ANKRD11: variants seen among roughly 807,000 people sequenced by gnomAD.
ANKRD11 encodes the protein ankyrin repeat domain 11.
In ANKRD11, 17 loss-of-function variants were observed where a neutral mutation model predicts 195.7. The observed-to-expected ratio is 0.09, with a 90% CI of 0.06 to 0.13. The LOEUF (loss-of-function observed/expected upper bound fraction) is 0.13. Ranked by LOEUF, ANKRD11 falls within the 10% of genes least tolerant of loss-of-function variation. ANKRD11 has a pLI of 1.00. For missense variants in ANKRD11, 3,735 were observed against 3,566.1 expected (o/e 1.05, Z -1.21); for synonymous variants, 1,953 against 1,528.1 (o/e 1.28, Z -6.49).
chr16:89,328,244 G>T (rs376176096), intron 2 of ANKRD11, among the ~76,000 whole-genome samples: 4 of 152,346 alleles, frequency 2.6e-5, no homozygotes, highest in African/African-American at 9.6e-5. Context: ...CTCGCTTGCT[G>T]TGGGAACGCA....
In ANKRD11 at chr16:89,304,631, CAT is replaced by C. The variant is rs549592235; in HGVS notation, c.226+573_226+574del. The stretch of plus-strand genomic sequence containing the variant: ...ACACGGGCATACATACAGGCACACA[CAT>C]GAGGGCATGCACACAGATACACGGG... On this transcript the variant is annotated intron_variant, in intron 4 of 12. Transcript: ENST00000301030. Among the ~76,000 whole-genome samples, 229 of 152,008 alleles carry C rather than the reference CAT, an allele frequency of 1.5e-3. 1 individual carries two copies. The highest frequency in any genetic ancestry group is 4.4e-3 in the African/African-American group (181 of 41,450).
chr16:89,282,970 G>A lies in ANKRD11; in HGVS notation c.3572C>T (p.Ala1191Val), dbSNP rs1452559113. Residue 1191 changes from alanine to valine, a missense_variant, in exon 9 of 13, where the codon GCC becomes GTC. By Grantham distance (64) the Ala-to-Val change is moderately conservative. Coordinates refer to ENST00000301030, the MANE Select transcript of ANKRD11 (RefSeq NM_013275.6). Reference protein sequence around the residue: ...PRDRRKDRGAADAGRDKKEKV... With the variant: ...PRDRRKDRGAVDAGRDKKEKV... ...CTCTTTTTTGTCTCTCCCCGCGTCG[G>A]CAGCCCCTCGGTCCTTTCTCCTGTC... 1 of 1,612,902 alleles carries A rather than the reference G, an allele frequency of 6.2e-7. No homozygotes were observed. Among genetic ancestry groups the A allele is most frequent in the African/African-American group, 1.3e-5 (1 of 74,752 alleles).
chr16:89,355,921 G>C (rs781764104), intron 2 of ANKRD11, among the ~76,000 whole-genome samples: 2 of 152,148 alleles, frequency 1.3e-5, no homozygotes, highest in African/African-American at 2.4e-5. Context: ...CGGGAGACCA[G>C]GGCTCAGGAA....
chr16:89,356,968 T>C (rs927468160), intron 2 of ANKRD11, among the ~76,000 whole-genome samples: 2 of 152,148 alleles, frequency 1.3e-5, no homozygotes, highest in Non-Finnish European at 2.9e-5. Flanking sequence ...CCTGTGACCA[T>C]CTTGGAGGGG....
At chr16:89,416,920 TG>T (rs2042335276) in intron 2 of ANKRD11, among the ~76,000 whole-genome samples, 1 of 152,124 alleles carries the variant, frequency 6.6e-6, no homozygotes, top group Non-Finnish European at 1.5e-5. Context: ...CCCATGTACC[TG>T]GCCCCTCCAT....
At chr16:89,335,718 C>T (rs1000993806) in intron 2 of ANKRD11, among the ~76,000 whole-genome samples, 1 of 152,224 alleles carries the variant, frequency 6.6e-6, no homozygotes, top group African/African-American at 2.4e-5. Flanking sequence ...GGCCTGCAAA[C>T]AGCAAGGACC....
chr16:89,278,945 G>A (rs1281444120), intron 9 of ANKRD11, 127 bp downstream of exon 9: 3 of 1,431,518 alleles, frequency 2.1e-6, no homozygotes, highest in East Asian at 2.5e-5. Flanking sequence ...GTCTCCTCAG[G>A]TGGCAGAAGG....
At chr16:89,388,733 G>A (rs1036824547) in intron 2 of ANKRD11, among the ~76,000 whole-genome samples, 4 of 152,264 alleles carry the variant, frequency 2.6e-5, no homozygotes, top group Admixed American at 2.6e-4. Context: ...GGCAGGTCCC[G>A]GGCTCACACA....
intron 1 of ANKRD11, among the ~76,000 whole-genome samples, chr16:89,472,559 C>T (rs922329033): frequency 3.3e-5 from 5 of 152,102 alleles, no homozygotes; most frequent in Admixed American, 2.0e-4. Flanking sequence ...TTGCTCTGTC[C>T]CCCAGGCTGG....
At chr16:89,322,833 T>C (rs1403060229) in intron 2 of ANKRD11, among the ~76,000 whole-genome samples, 1 of 152,152 alleles carries the variant, frequency 6.6e-6, no homozygotes, top group Non-Finnish European at 1.5e-5. Flanking sequence ...CTTAGCTTTA[T>C]CTGAAGAGTT....
intron 1 of ANKRD11, among the ~76,000 whole-genome samples, chr16:89,472,071 G>T (rs149251232): frequency 6.6e-5 from 10 of 152,030 alleles, no homozygotes; most frequent in African/African-American, 2.4e-4. Context: ...GCTCTCCACC[G>T]GGCAGAAAGA....
chr16:89,275,046 G>A (rs1360388069), intron 10 of ANKRD11, 47 bp downstream of exon 10: 4 of 1,612,604 alleles, frequency 2.5e-6, no homozygotes, highest in Non-Finnish European at 8.5e-7. Context: ...CCTGCGCCGT[G>A]AAAAGCCCTG....
At chr16:89,408,459 C>G (rs530904004) in intron 2 of ANKRD11, among the ~76,000 whole-genome samples, 4 of 152,234 alleles carry the variant, frequency 2.6e-5, no homozygotes, top group African/African-American at 9.6e-5. Context: ...TCACCCTGAC[C>G]CTGAGCGTGG....
Position 89,281,664 on chromosome 16 carries a change from C to A in ANKRD11, c.4878G>T (p.Pro1626=). The change falls in exon 9 of 13, where the codon CCG becomes CCT. Residue 1626 remains proline, a synonymous_variant. Transcript: ENST00000301030. The surrounding 1 kb of genome is among the most constrained non-coding windows in gnomAD (Gnocchi z 5.5). ...GACCCTTCTTCCGCCCGTCGTCTGC[C>A]GGCTTCGCCTTCTCCTTGAGCTTGG... is the stretch of plus-strand genomic sequence containing the variant. ...GDPKLKEKAK[P]ADDGRKKGLD... 6.2e-7 allele frequency: 1 copy of A among 1,614,168 alleles called. No homozygotes were observed. Among genetic ancestry groups the A allele is most frequent in the Non-Finnish European group, 8.5e-7 (1 of 1,180,018 alleles).
At chr16:89,335,780 G>A (rs1335204697) in intron 2 of ANKRD11, among the ~76,000 whole-genome samples, 3 of 152,200 alleles carry the variant, frequency 2.0e-5, no homozygotes, top group Admixed American at 6.5e-5. Flanking sequence ...AGAGGCCCCA[G>A]TGTGGGTTCT....
intron 2 of ANKRD11, among the ~76,000 whole-genome samples, chr16:89,413,942 C>G (rs1045336069): frequency 6.6e-6 from 1 of 152,152 alleles, no homozygotes; most frequent in Non-Finnish European, 1.5e-5. Context: ...CCTGGCCACC[C>G]AGACAGGGAC....
chr16:89,269,202 C>A (rs1205185167), intron 12 of ANKRD11, among the ~76,000 whole-genome samples: 9 of 152,144 alleles, frequency 5.9e-5, no homozygotes, highest in Non-Finnish European at 1.3e-4. Context: ...CGTCTCAAGG[C>A]TGGAGTGCAG....
chr16:89,424,014 C>T (rs2042617677), intron 1 of ANKRD11, among the ~76,000 whole-genome samples: 1 of 152,054 alleles, frequency 6.6e-6, no homozygotes, highest in Non-Finnish European at 1.5e-5. Context: ...CAGGCGACCT[C>T]CGGGAAGATT....
intron 2 of ANKRD11, among the ~76,000 whole-genome samples, chr16:89,344,830 G>A (rs906384658): frequency 3.9e-5 from 6 of 152,198 alleles, no homozygotes; most frequent in South Asian, 2.1e-4. Flanking sequence ...CAGACGAGGC[G>A]TGAGACTCTC....
Sources: gnomAD v4.1 joint callset for allele counts (sites outside exome capture counted in the v4.1 genomes callset) on GRCh38, gnomAD v4.1.1 for gene constraint, Gnocchi (gnomAD v3.1) non-coding constraint, MANE v1.5 for transcripts, NCBI Gene and HGNC (gene_info 2026-07-23, HGNC 2026-07-21) for gene names.